MMP14: variants seen among roughly 807,000 people sequenced by gnomAD.
MMP14 encodes matrix metalloproteinase-14.
MMP14 carries 13 observed loss-of-function variants against 64.8 expected under a neutral mutation model. The observed-to-expected ratio is 0.20, with a 90% CI of 0.13 to 0.32. The LOEUF is 0.32. MMP14 is among the 10% of genes least tolerant of loss of function. MMP14 has a pLI of 1.00. For synonymous variants in MMP14, 322 were observed against 315.9 expected, an observed-to-expected ratio of 1.02 and a Z score of -0.20; for missense variants, 594 against 783.8, an observed-to-expected ratio of 0.76 and a Z score of 2.89.
rs1190200450 is a variant in MMP14, at chr14:22,845,705, C to T, written c.1418-3C>T. The T allele has an allele frequency of 1.2e-6, 2 of 1,613,564 alleles. No homozygotes were observed. Among genetic ancestry groups the T allele is most frequent in the Non-Finnish European group, 1.7e-6 (2 of 1,179,748 alleles). On this transcript the variant is annotated splice_region_variant and splice_polypyrimidine_tract_variant and intron_variant, in intron 9 of 9. Transcript: ENST00000311852. Reference sequence around the variant, plus strand: ...TTACCACCTTCTGATTCACTCCCTGCAGTCTTCACTTACTTCTACAAGGGG... The same window carrying T: ...TTACCACCTTCTGATTCACTCCCTGTAGTCTTCACTTACTTCTACAAGGGG...
Position 22,837,827 on chromosome 14 carries a change from G to A in MMP14, c.108+902G>A, listed in dbSNP as rs542134181. Among the ~76,000 whole-genome samples, 8 of 152,308 alleles carry A rather than the reference G, an allele frequency of 5.3e-5. No homozygotes were observed. The South Asian group carries it at 1.7e-3, about 32-fold the overall frequency. ...CCGGGCCCCAGAGGAAGCTGCGTGG[G>A]AGTTGTCTGAGGAGGTTTTTCCTCT... On this transcript the variant is annotated intron_variant, in intron 1 of 9. Transcript: ENST00000311852.
In MMP14 at chr14:22,845,887, G is replaced by A. The variant is rs996723787; in HGVS notation, c.1597G>A (p.Gly533Ser). Residue 533 changes from glycine (G) to serine (S), a missense_variant, in exon 10 of 10, where the codon GGC becomes AGC. Transcript: ENST00000311852. The stretch of plus-strand genomic sequence containing the variant: ...GATCATCATTGAGGTGGACGAGGAG[G>A]GCGGCGGGGCGGTGAGCGCGGCTGC... ...EVIIIEVDEE[G>S]GGAVSAAAVV... 10 of 1,613,442 alleles carry A rather than the reference G, an allele frequency of 6.2e-6. No individual in the cohort carries two copies. The highest frequency in any genetic ancestry group is 3.3e-5 in the Admixed American group (2 of 59,914).
rs1408120398 is a variant in MMP14 at position 22,845,339 on chromosome 14, A to G, written c.1390A>G (p.Arg464Gly). The change falls in exon 9 of 10, where the codon AGA becomes GGA. Residue 464 changes from arginine (R) to glycine (G), a missense_variant. Transcript: ENST00000311852. ...KVWEGIPESP[R>G]GSFMGSDEVF... is the part of the protein sequence containing the mutation. Reference sequence around the variant, plus strand: ...CTGGGAAGGGATCCCTGAGTCTCCCAGAGGGTCATTCATGGGCAGCGATGA... The same window carrying G: ...CTGGGAAGGGATCCCTGAGTCTCCCGGAGGGTCATTCATGGGCAGCGATGA... 8.7e-6 allele frequency: 14 copies of G among 1,612,048 alleles called. No homozygotes were observed. Among genetic ancestry groups the G allele is most frequent in the Non-Finnish European group, 1.2e-5 (14 of 1,178,984 alleles).
At chr14:22,840,651 A>G (rs1595013743) in intron 1 of MMP14, among the ~76,000 whole-genome samples, 1 of 151,914 alleles carries the variant, frequency 6.6e-6, no homozygotes, top group Admixed American at 6.6e-5. Flanking sequence ...TGGGACTACA[A>G]GCGCCCGCCA....
chr14:22,840,220 G>A (rs1291593661), intron 1 of MMP14, among the ~76,000 whole-genome samples: 2 of 152,070 alleles, frequency 1.3e-5, no homozygotes, highest in East Asian at 1.9e-4. Flanking sequence ...GCCCGCCTTG[G>A]CCTCCCAAAC....
chr14:22,838,673 A>G (rs967260992), intron 1 of MMP14, among the ~76,000 whole-genome samples: 1 of 152,100 alleles, frequency 6.6e-6, no homozygotes, highest in Non-Finnish European at 1.5e-5. Context: ...TGCAGGCCTC[A>G]TGCAGCTGGG....
rs200689092 is a variant in MMP14, at chr14:22,841,514, C to T, written c.132C>T (p.Tyr44=). The T allele has an allele frequency of 6.2e-7, 1 of 1,613,012 alleles. No homozygotes were observed. The highest frequency in any genetic ancestry group is 8.5e-7 in the Non-Finnish European group (1 of 1,179,828). Residue 44 remains tyrosine (Y), a synonymous_variant, in exon 2 of 10, where the codon TAC becomes TAT. Coordinates refer to ENST00000311852, the MANE Select transcript of MMP14 (RefSeq NM_004995.4). The stretch of plus-strand genomic sequence containing the variant: ...AGGCCTGGCTACAGCAATATGGCTA[C>T]CTGCCTCCCGGGGACCTACGTACCC... ...SPEAWLQQYG[Y]LPPGDLRTHT... is the part of the protein sequence containing the mutation.
intron 9 of MMP14, 84 bp from the exon 10 acceptor site, chr14:22,845,624 A>C: frequency 7.1e-7 from 1 of 1,402,406 alleles, no homozygotes; most frequent in Non-Finnish European, 9.9e-7. Context: ...AGCTGCCCTC[A>C]CATTAACAGA....
rs773709061 is a variant in MMP14 at position 22,836,776 on chromosome 14, CGCGGAGCCCACACTGCCCGGCT to C, written c.-40_-19del. 2 of 1,341,312 alleles carry C rather than the reference CGCGGAGCCCACACTGCCCGGCT, an allele frequency of 1.5e-6. No individual in the cohort carries two copies. The highest frequency in any genetic ancestry group is 2.7e-5 in the South Asian group (2 of 73,402). 83.1% of individuals were successfully genotyped at this position (1,341,312 alleles called of 1,614,324 possible). On this transcript the variant is annotated 5_prime_UTR_variant, in exon 1 of 10. Coordinates refer to ENST00000311852, the MANE Select transcript of MMP14 (RefSeq NM_004995.4). ...TGCGACCCCAGGGCGTGGGCCCGGCCGCGGAGCCCACACTGCCCGGCTGACCCGGTGGTCTCGGACCATGTCT... is the reference window on the plus strand; with the variant it reads ...TGCGACCCCAGGGCGTGGGCCCGGCCGACCCGGTGGTCTCGGACCATGTCT...
Position 22,842,721 on chromosome 14 carries a change from A to G in MMP14, c.688+4A>G. On this transcript the variant is annotated splice_donor_region_variant and intron_variant, in intron 4 of 9. Coordinates refer to ENST00000311852, the MANE Select transcript of MMP14 (RefSeq NM_004995.4). This position sits in a 1 kb window ranked among gnomAD's most constrained non-coding sequence, Gnocchi z 5.3. Reference sequence around the variant, plus strand: ...GTCAGGAATGAGGATCTGAATGGTGAGCCAAGTATCCCTGGGACTTACTCT... The same window carrying G: ...GTCAGGAATGAGGATCTGAATGGTGGGCCAAGTATCCCTGGGACTTACTCT... 6.3e-7 allele frequency: 1 copy of G among 1,590,318 alleles called. No homozygotes were observed. The highest frequency in any genetic ancestry group is 8.6e-7 in the Non-Finnish European group (1 of 1,164,980).
At chr14:22,845,675 C>G (rs1185253547) in intron 9 of MMP14, 33 bp from the exon 10 acceptor site, 2 of 1,608,102 alleles carry the variant, frequency 1.2e-6, no homozygotes, top group African/African-American at 1.3e-5. Context: ...TGGGTCTTCC[C>G]TTCCTTACCA....
At chr14:22,840,940 C>T (rs1295121133) in intron 1 of MMP14, among the ~76,000 whole-genome samples, 1 of 152,218 alleles carries the variant, frequency 6.6e-6, no homozygotes, top group Non-Finnish European at 1.5e-5. Flanking sequence ...CCTAGTTTCC[C>T]CTCGTAGCAG....
chr14:22,845,195 C>T (rs1057082677), intron 8 of MMP14, 56 bp from the exon 9 acceptor site: 17 of 1,335,326 alleles, frequency 1.3e-5, no homozygotes, highest in Middle Eastern at 1.8e-4. Context: ...CCGGGTCTTG[C>T]GCCTCCTGAG....
intron 1 of MMP14, 177 bp downstream of exon 1, chr14:22,837,102 CA>C (rs2039739032): frequency 1.4e-6 from 1 of 697,718 alleles, no homozygotes. Flanking sequence ...CAGATCGATC[CA>C]ACTTTTGCCC....
chr14:22,837,772 C>T (rs2039745603), intron 1 of MMP14, among the ~76,000 whole-genome samples: 1 of 152,228 alleles, frequency 6.6e-6, no homozygotes. Flanking sequence ...GGGCGCCCCC[C>T]ACCCTCACCC....
rs934215857 is a variant in MMP14 at position 22,847,581 on chromosome 14, A to G, written c.*1542A>G. ...AATGTATATTTTTATTATAATTATT[A>G]TATATGAATTCCATTCAAATCGTTC... On this transcript the variant is annotated 3_prime_UTR_variant, in exon 10 of 10. Coordinates refer to ENST00000311852, the MANE Select transcript of MMP14 (RefSeq NM_004995.4). 1.0e-3 allele frequency: 146 copies of G among 140,046 alleles called. No individual in the cohort carries two copies. Among genetic ancestry groups the G allele is most frequent in the African/African-American group, 3.6e-3 (137 of 37,652 alleles). The allele number at this position is 140,046 out of a possible 1,614,324, so 8.7% of individuals were successfully genotyped here.
rs187242499 is a variant in MMP14 at position 22,839,264 on chromosome 14, G to A, written c.109-2227G>A. On this transcript the variant is annotated intron_variant, in intron 1 of 9. Transcript: ENST00000311852. ...CTCCTCAACCAAGGGTCATAAGCCCGGGGTGTGTTTATCCTGCAGGTATGC... is the reference window on the plus strand; with the variant it reads ...CTCCTCAACCAAGGGTCATAAGCCCAGGGTGTGTTTATCCTGCAGGTATGC... 4.1e-4 allele frequency among the ~76,000 whole-genome samples: 62 copies of A among 152,338 alleles called. 2 individuals are homozygous for A. Among genetic ancestry groups the A allele is most frequent in the Middle Eastern group, 3.4e-3 (1 of 294 alleles).
At chr14:22,837,483 C>T (rs967760878) in intron 1 of MMP14, 1 of 445,446 alleles carries the variant, frequency 2.2e-6, no homozygotes, top group Non-Finnish European at 4.5e-6. Flanking sequence ...CCACAGCCCC[C>T]GTCTCCCCGA....
chr14:22,844,126 G>A (rs1243798833), intron 6 of MMP14, among the ~76,000 whole-genome samples: 1 of 152,012 alleles, frequency 6.6e-6, no homozygotes, highest in Non-Finnish European at 1.5e-5. Flanking sequence ...GAACCTGGGA[G>A]GTGGAGGTTG....
Sources: gnomAD v4.1 joint callset for allele counts (sites outside exome capture counted in the v4.1 genomes callset) on GRCh38, gnomAD v4.1.1 for gene constraint, Gnocchi (gnomAD v3.1) non-coding constraint, MANE v1.5 for transcripts, NCBI Gene and HGNC (gene_info 2026-07-23, HGNC 2026-07-21) for gene names.